The following RBFOX1 variants were observed in gnomAD, a reference collection of about 807,000 sequenced individuals.
RBFOX1 encodes RNA binding protein fox-1 homolog 1.
RBFOX1 carries 8 observed loss-of-function variants against 57.7 expected under a neutral mutation model. The observed-to-expected ratio is 0.14, with a 90% CI of 0.08 to 0.25. RBFOX1 has a LOEUF of 0.25. Among genes scored for constraint, RBFOX1 ranks in the 10% least tolerant of loss-of-function variants. The pLI is 1.00. For synonymous variants in RBFOX1, 326 were observed against 222.4 expected (o/e 1.47, Z -4.15); for missense variants, 611 against 548.5 (o/e 1.11, Z -1.14).
At chr16:5,489,934 C>T (rs2042770431) in intron 2 of RBFOX1, among the ~76,000 whole-genome samples, 1 of 152,210 alleles carries the variant, frequency 6.6e-6, no homozygotes, top group Non-Finnish European at 1.5e-5. Context: ...AAGGATGTCT[C>T]ACAGCCCAGA....
chr16:5,679,421 G>A (rs938027653), intron 3 of RBFOX1, among the ~76,000 whole-genome samples: 6 of 151,838 alleles, frequency 4.0e-5, no homozygotes, highest in Non-Finnish European at 8.8e-5. Flanking sequence ...GTGCCATGGT[G>A]GTTTGCTGCA....
intron 3 of RBFOX1, among the ~76,000 whole-genome samples, chr16:5,730,014 A>G (rs1250233312): frequency 6.6e-6 from 1 of 152,198 alleles, no homozygotes; most frequent in African/African-American, 2.4e-5. Context: ...GGGGTGCCTC[A>G]AATCCTGCCT....
At chr16:6,554,849 CTCGCTCTG>C in intron 2 of RBFOX1, among the ~76,000 whole-genome samples, 1 of 149,022 alleles carries the variant, frequency 6.7e-6, no homozygotes, top group East Asian at 1.9e-4. Context: ...CCCTCTCACT[CTCGCTCTG>C]TCGCTCTCTC....
At chr16:5,642,448 G>A (rs887318648) in intron 3 of RBFOX1, among the ~76,000 whole-genome samples, 2 of 152,188 alleles carry the variant, frequency 1.3e-5, no homozygotes, top group Non-Finnish European at 2.9e-5. Flanking sequence ...ACTTGTGCTG[G>A]ACTCTGAGGA....
At position 7,616,372 on chromosome 16, in the gene RBFOX1, G is replaced by A. The variant is rs540533147; in HGVS notation, c.676+9034G>A. Among the ~76,000 whole-genome samples, 71 of 152,308 alleles carry A rather than the reference G, an allele frequency of 4.7e-4. 3 individuals carry two copies. The South Asian group carries it at 0.015, about 31-fold the overall frequency. The stretch of plus-strand genomic sequence containing the variant: ...ATAGTGTTATCAGTGAAGCTCACCT[G>A]AGCCTTAGTGTCCAGCGTTTTTGTT... On this transcript the variant is annotated intron_variant, in intron 10 of 15. Coordinates refer to ENST00000550418, the MANE Select transcript of RBFOX1 (RefSeq NM_018723.4).
At chr16:6,234,524 A>G (rs562357097) in intron 1 of RBFOX1, among the ~76,000 whole-genome samples, 2 of 152,300 alleles carry the variant, frequency 1.3e-5, no homozygotes, top group Non-Finnish European at 2.9e-5. Context: ...AGACAGTAGA[A>G]GTCTGAATGA....
intron 4 of RBFOX1, among the ~76,000 whole-genome samples, chr16:7,222,445 C>G (rs955139217): frequency 6.6e-6 from 1 of 152,184 alleles, no homozygotes; most frequent in African/African-American, 2.4e-5. Flanking sequence ...GCCCAGAGCT[C>G]TGTCAAAATG....
At chr16:6,764,183 A>G (rs1484231601) in intron 3 of RBFOX1, among the ~76,000 whole-genome samples, 1 of 152,136 alleles carries the variant, frequency 6.6e-6, no homozygotes, top group Non-Finnish European at 1.5e-5. Context: ...TGCCCTCAAT[A>G]TCTCCCACTT....
intron 3 of RBFOX1, among the ~76,000 whole-genome samples, chr16:6,859,861 T>C (rs963049602): frequency 6.6e-6 from 1 of 152,204 alleles, no homozygotes; most frequent in Non-Finnish European, 1.5e-5. Flanking sequence ...TATTCAGAGC[T>C]TGCTTTTCCT....
At chr16:5,539,548 C>T (rs965887901) in intron 2 of RBFOX1, among the ~76,000 whole-genome samples, 1 of 151,978 alleles carries the variant, frequency 6.6e-6, no homozygotes, top group Non-Finnish European at 1.5e-5. Flanking sequence ...TTATAGTGAG[C>T]CAAGATCGTA....
rs149103694 is a variant in RBFOX1 at position 7,566,000 on chromosome 16, C to G, written c.271-13777C>G. 2.2e-3 allele frequency among the ~76,000 whole-genome samples: 336 copies of G among 152,250 alleles called. 1 individual carries two copies. The highest frequency in any genetic ancestry group is 7.1e-3 in the African/African-American group (297 of 41,554). ...GTTTCCTGGAATGATTCAGGAAAGA[C>G]TTGCCGAGCGCCTACTATGTGTCAT... On this transcript the variant is annotated intron_variant, in intron 5 of 15. Transcript: ENST00000550418.
At chr16:5,479,731 G>T (rs1312068769) in intron 2 of RBFOX1, among the ~76,000 whole-genome samples, 1 of 151,966 alleles carries the variant, frequency 6.6e-6, no homozygotes, top group African/African-American at 2.4e-5. Flanking sequence ...TCCAGCCTGA[G>T]ACAAGAACGA....
intron 3 of RBFOX1, among the ~76,000 whole-genome samples, chr16:6,699,175 TA>T (rs2061472463): frequency 1.3e-5 from 2 of 152,154 alleles, no homozygotes; most frequent in South Asian, 4.2e-4. Context: ...TGTCAGTTTT[TA>T]AACCATTTTT....
intron 2 of RBFOX1, among the ~76,000 whole-genome samples, chr16:5,542,459 A>G (rs1400023425): frequency 2.0e-5 from 3 of 149,760 alleles, no homozygotes; most frequent in Non-Finnish European, 4.4e-5. Context: ...GGGTTTCACC[A>G]TATTGACTAG....
At chr16:5,737,491 T>TAAAC (rs139133789) in intron 3 of RBFOX1, among the ~76,000 whole-genome samples, 36,133 of 149,920 alleles carry the variant, frequency 0.24, 4,614 homozygotes, top group East Asian at 0.42. Flanking sequence ...ATCTCAAAAA[T>TAAAC]AAATAAATAA....
At chr16:6,941,747 A>C (rs891988357) in intron 3 of RBFOX1, among the ~76,000 whole-genome samples, 1 of 152,192 alleles carries the variant, frequency 6.6e-6, no homozygotes, top group Non-Finnish European at 1.5e-5. Flanking sequence ...GAATGTGGTA[A>C]CTATACCAAG....
At chr16:6,746,210 A>G (rs1393914677) in intron 3 of RBFOX1, among the ~76,000 whole-genome samples, 1 of 152,166 alleles carries the variant, frequency 6.6e-6, no homozygotes, top group African/African-American at 2.4e-5. Flanking sequence ...TAGATTCAAC[A>G]CAATGCCAAT....
intron 4 of RBFOX1, among the ~76,000 whole-genome samples, chr16:7,115,150 A>G (rs1282474674): frequency 6.6e-6 from 1 of 151,672 alleles, no homozygotes; most frequent in Non-Finnish European, 1.5e-5. Context: ...TCTTGTTAGC[A>G]CTTAGTGGTG....
intron 3 of RBFOX1, among the ~76,000 whole-genome samples, chr16:6,794,279 G>GTTT (rs756265183): frequency 8.3e-5 from 6 of 72,516 alleles, no homozygotes; most frequent in Admixed American, 1.8e-4. Context: ...TCTTGTTCGT[G>GTTT]ATTTTTTTTT....
Sources: allele counts gnomAD v4.1 joint callset (sites outside exome capture counted in the v4.1 genomes callset), GRCh38; gene constraint gnomAD v4.1.1; transcripts MANE v1.5; gene names NCBI Gene and HGNC (gene_info 2026-07-23, HGNC 2026-07-21).